LOXHD1: variants seen among roughly 807,000 people sequenced by gnomAD.
The protein encoded by LOXHD1 is lipoxygenase homology domain-containing protein 1.
Under a neutral mutation model 248.2 loss-of-function variants are expected in LOXHD1, and 205 were observed. That is an observed-to-expected ratio of 0.83 (90% confidence interval 0.74 to 0.93). The LOEUF is 0.93. Ranked by LOEUF, LOXHD1 falls within the 40% of genes least tolerant of loss-of-function variation. The pLI is 0.00. For missense variants in LOXHD1, 2,930 were observed against 2,971.6 expected (o/e 0.99, Z 0.33); for synonymous variants, 1,113 against 1,162.8 (o/e 0.96, Z 0.87).
intron 4 of LOXHD1, among the ~76,000 whole-genome samples, chr18:46,620,947 G>A (rs142707148): frequency 1.7e-4 from 26 of 152,240 alleles, no homozygotes; most frequent in African/African-American, 3.1e-4. Context: ...AGCAGACCAC[G>A]AGCCCAAAGT....
chr18:46,636,446 T>A (rs1482720312), intron 4 of LOXHD1, among the ~76,000 whole-genome samples: 1 of 152,152 alleles, frequency 6.6e-6, no homozygotes, highest in East Asian at 1.9e-4. Context: ...CTGATCAAGG[T>A]CCAGTTCCCT....
chr18:46,552,886 G>T (rs1184280133), intron 21 of LOXHD1, among the ~76,000 whole-genome samples: 1 of 151,946 alleles, frequency 6.6e-6, no homozygotes, highest in African/African-American at 2.4e-5. Flanking sequence ...TCCTTTCTGT[G>T]TGTGCCCCTC....
rs780122717 is a variant in LOXHD1 at position 46,483,743 on chromosome 18, C to T, written c.6185G>A (p.Gly2062Glu). 1.4e-5 allele frequency: 22 copies of T among 1,540,482 alleles called. 1 individual carries two copies. The South Asian group carries it at 1.7e-4, about 12-fold the overall frequency. ...GTCAAACTCAAACGTGTCTGTGGTC[C>T]CCCTGCAGGAAACAAAAGTGTGGTC... ...NSSRQRAFRK[G>E]TTDTFEFDSI... Residue 2062 changes from glycine to glutamate, a missense_variant and splice_region_variant, in exon 40 of 41, where the codon GGG becomes GAG. Transcript: ENST00000642948.
intron 4 of LOXHD1, among the ~76,000 whole-genome samples, chr18:46,627,023 C>A (rs1289536901): frequency 6.6e-6 from 1 of 152,172 alleles, no homozygotes; most frequent in East Asian, 1.9e-4. Flanking sequence ...GGAAGATTTT[C>A]TTATTCTTCT....
chr18:46,548,964 A>G (rs1370458835), intron 21 of LOXHD1, among the ~76,000 whole-genome samples: 1 of 152,186 alleles, frequency 6.6e-6, no homozygotes, highest in Non-Finnish European at 1.5e-5. Flanking sequence ...TCCTCTCAGA[A>G]CCTGCTCCTT....
chr18:46,630,148 T>C (rs2038801333), intron 4 of LOXHD1, among the ~76,000 whole-genome samples: 1 of 152,156 alleles, frequency 6.6e-6, no homozygotes, highest in Non-Finnish European at 1.5e-5. Flanking sequence ...CCTCTCTGCT[T>C]CTGCCAGTGC....
At position 46,538,161 on chromosome 18, in the gene LOXHD1, C is replaced by T. The variant is rs144935513; in HGVS notation, c.4090G>A (p.Val1364Ile). The T allele has an allele frequency of 4.9e-5, 75 of 1,531,776 alleles. No individual in the cohort carries two copies. The East Asian group carries it at 1.7e-3, about 34-fold the overall frequency. The allele number at this position is 1,531,776 out of a possible 1,614,324, so 94.9% of individuals were successfully genotyped here. A position where few individuals can be genotyped will look rare whatever the true frequency, so the allele number is the denominator to read the frequency against. ...AGCCTGCTGAGCCCAAGTACCTCTA[C>T]GATGAAGCGGGAGGCAGACTTCCTC... Reference protein sequence around the residue: ...FERKSASRFIVELEDVGEIIE... With the variant: ...FERKSASRFIIELEDVGEIIE... The change falls in exon 26 of 41, where the codon GTA becomes ATA. Residue 1364 changes from valine to isoleucine, a missense_variant. Coordinates refer to ENST00000642948, the MANE Select transcript of LOXHD1 (RefSeq NM_001384474.1).
intron 26 of LOXHD1, 39 bp downstream of exon 26, chr18:46,538,117 A>G: frequency 6.6e-7 from 1 of 1,505,368 alleles, no homozygotes; most frequent in Non-Finnish European, 9.0e-7. Context: ...CCTCTGTCTG[A>G]CCTACTCCAT....
chr18:46,508,460 C>G (rs916677416), intron 35 of LOXHD1, among the ~76,000 whole-genome samples: 1 of 152,180 alleles, frequency 6.6e-6, no homozygotes, highest in Non-Finnish European at 1.5e-5. Context: ...AGCCAGGGAA[C>G]TGCCAGAAGC....
intron 20 of LOXHD1, among the ~76,000 whole-genome samples, chr18:46,558,546 G>C (rs1704768572): frequency 6.6e-6 from 1 of 152,128 alleles, no homozygotes. Flanking sequence ...CAAGTCAAGG[G>C]GAAGATTCTT....
At position 46,649,195 on chromosome 18, in the gene LOXHD1, C is replaced by T; in HGVS notation, c.205G>A (p.Gly69Arg). The change falls in exon 2 of 41, where the codon GGA becomes AGA. Residue 69 changes from glycine to arginine, a missense_variant. Coordinates refer to ENST00000642948, the MANE Select transcript of LOXHD1 (RefSeq NM_001384474.1). ...AGCTTGGGAGAGAGCCCATTCTCTC[C>T]AAAAAGCGTGATGAAGACATTGGCA... ...TDANVFITLF[G>R]ENGLSPKLQL... 1 of 1,551,734 alleles carries T rather than the reference C, an allele frequency of 6.4e-7. No homozygotes were observed. Among genetic ancestry groups the T allele is most frequent in the Non-Finnish European group, 8.7e-7 (1 of 1,147,010 alleles).
intron 10 of LOXHD1, 115 bp from the exon 11 acceptor site, chr18:46,592,699 G>T: frequency 1.2e-6 from 1 of 850,966 alleles, no homozygotes; most frequent in Non-Finnish European, 1.9e-6. Flanking sequence ...CAGCAGTGAG[G>T]ATGGGTTTGC....
At chr18:46,515,734 T>G (rs1455411089) in intron 34 of LOXHD1, among the ~76,000 whole-genome samples, 1 of 152,126 alleles carries the variant, frequency 6.6e-6, no homozygotes, top group Non-Finnish European at 1.5e-5. Flanking sequence ...AGACTGAATA[T>G]GCAAACAATA....
intron 19 of LOXHD1, 99 bp from the exon 20 acceptor site, chr18:46,559,701 G>C (rs1568184389): frequency 1.5e-6 from 2 of 1,309,430 alleles, no homozygotes; most frequent in Admixed American, 4.5e-5. Context: ...CTAGAACAGA[G>C]GGATCTTCAG....
intron 4 of LOXHD1, among the ~76,000 whole-genome samples, chr18:46,636,361 G>T (rs1220240036): frequency 1.3e-5 from 2 of 152,230 alleles, no homozygotes; most frequent in African/African-American, 4.8e-5. Flanking sequence ...TGTGCCTACA[G>T]GTAGGGCAGG....
intron 35 of LOXHD1, among the ~76,000 whole-genome samples, chr18:46,508,110 G>A (rs1194584598): frequency 2.0e-5 from 3 of 152,276 alleles, no homozygotes; most frequent in East Asian, 3.9e-4. Context: ...TCCTTGGTGT[G>A]GGCACCATAT....
Position 46,492,491 on chromosome 18 carries a change from C to A in LOXHD1, c.5879-3349G>T, listed in dbSNP as rs112759657. On this transcript the variant is annotated intron_variant, in intron 37 of 40. Transcript: ENST00000642948. The stretch of plus-strand genomic sequence containing the variant: ...AACCATCAGATCTTGTGAGAACTCG[C>A]TCACTATCACAAGAACAGCATGGGG... 9.8e-3 allele frequency among the ~76,000 whole-genome samples: 1,486 copies of A among 152,318 alleles called. 10 individuals carry two copies. The highest frequency in any genetic ancestry group is 0.034 in the Middle Eastern group (10 of 294).
chr18:46,509,351 C>G (rs2034800904), intron 35 of LOXHD1, among the ~76,000 whole-genome samples: 1 of 152,154 alleles, frequency 6.6e-6, no homozygotes, highest in African/African-American at 2.4e-5. Context: ...ACCATGGCAG[C>G]CTCTCTCTGC....
intron 33 of LOXHD1, chr18:46,519,066 G>A (rs1169586765): frequency 6.1e-6 from 6 of 985,482 alleles, no homozygotes; most frequent in Non-Finnish European, 6.0e-6. Flanking sequence ...CCCCCACCTC[G>A]GTTCTTCCTC....
Sources: allele counts gnomAD v4.1 joint callset (sites outside exome capture counted in the v4.1 genomes callset), GRCh38; gene constraint gnomAD v4.1.1; transcripts MANE v1.5; gene names NCBI Gene and HGNC (gene_info 2026-07-23, HGNC 2026-07-21).